HRH1: variants seen among roughly 807,000 people sequenced by gnomAD.
HRH1 encodes the protein histamine receptor H1, also known as histamine H1 receptor.
Under a neutral mutation model 10.3 loss-of-function variants are expected in HRH1, and 6 were observed. The observed-to-expected ratio is 0.58, with a 90% CI of 0.32 to 1.15. The LOEUF is 1.15. HRH1 is among the 50% of genes most tolerant of loss of function. The pLI is 0.05. For missense variants in HRH1, 514 were observed against 615.3 expected (o/e 0.84, Z 1.74); for synonymous variants, 242 against 236.7 (o/e 1.02, Z -0.21).
intron 1 of HRH1, among the ~76,000 whole-genome samples, chr3:11,242,054 G>A (rs114061349): frequency 0.13 from 19,679 of 152,010 alleles, 1,934 homozygotes; most frequent in South Asian, 0.33. Flanking sequence ...GGACAAATAC[G>A]GGAATAAAAG....
intron 1 of HRH1, among the ~76,000 whole-genome samples, chr3:11,221,988 T>G (rs1316169225): frequency 6.6e-6 from 1 of 152,230 alleles, no homozygotes; most frequent in Non-Finnish European, 1.5e-5. Flanking sequence ...TGTTTCCCCA[T>G]TCATCTGCTG....
At chr3:11,172,745 C>T (rs956520482) in intron 1 of HRH1, among the ~76,000 whole-genome samples, 4 of 148,062 alleles carry the variant, frequency 2.7e-5, no homozygotes, top group African/African-American at 1.0e-4. Context: ...CTCTGTCCCC[C>T]AGGCTGAAGT....
chr3:11,193,653 A>G (rs1207151606), intron 1 of HRH1, among the ~76,000 whole-genome samples: 1 of 152,092 alleles, frequency 6.6e-6, no homozygotes, highest in African/African-American at 2.4e-5. Flanking sequence ...ACAGAAATTT[A>G]TTTCTCACAG....
intron 1 of HRH1, among the ~76,000 whole-genome samples, chr3:11,170,457 A>G (rs1190502596): frequency 1.3e-5 from 2 of 152,360 alleles, no homozygotes; most frequent in African/African-American, 2.4e-5. Flanking sequence ...CAGTGGGAAG[A>G]TAAATGGGGA....
At chr3:11,178,966 A>G (rs1198360523) in intron 1 of HRH1, among the ~76,000 whole-genome samples, 1 of 152,228 alleles carries the variant, frequency 6.6e-6, no homozygotes, top group African/African-American at 2.4e-5. Flanking sequence ...GTAGGTCCAC[A>G]GTTCCTTTAA....
At chr3:11,201,356 C>T (rs2125027617) in intron 1 of HRH1, among the ~76,000 whole-genome samples, 1 of 152,270 alleles carries the variant, frequency 6.6e-6, no homozygotes, top group Non-Finnish European at 1.5e-5. Flanking sequence ...AAGGGGACAG[C>T]ATGTGCACAA....
At chr3:11,252,980 G>A (rs1939690770) in intron 1 of HRH1, among the ~76,000 whole-genome samples, 1 of 152,008 alleles carries the variant, frequency 6.6e-6, no homozygotes, top group Non-Finnish European at 1.5e-5. Flanking sequence ...TTGATTTGGA[G>A]GCCTAAGCCT....
At chr3:11,244,255 A>G (rs1348807865) in intron 1 of HRH1, among the ~76,000 whole-genome samples, 1 of 152,266 alleles carries the variant, frequency 6.6e-6, no homozygotes, top group African/African-American at 2.4e-5. Context: ...CTTTATTTTA[A>G]GGCTGTTTTC....
At chr3:11,164,830 G>A (rs751767514) in intron 1 of HRH1, among the ~76,000 whole-genome samples, 27 of 152,260 alleles carry the variant, frequency 1.8e-4, no homozygotes, top group Non-Finnish European at 2.6e-4. Context: ...GCAGTGACCC[G>A]CCAAAGAAAA....
At chr3:11,244,680 C>G (rs1004668877) in intron 1 of HRH1, among the ~76,000 whole-genome samples, 1 of 152,208 alleles carries the variant, frequency 6.6e-6, no homozygotes, top group Non-Finnish European at 1.5e-5. Context: ...GGAATCAGAT[C>G]CAGGTTGCCT....
At chr3:11,197,680 C>T (rs9822871) in intron 1 of HRH1, among the ~76,000 whole-genome samples, 35,598 of 152,126 alleles carry the variant, frequency 0.23, 4,637 homozygotes, top group Non-Finnish European at 0.3. Flanking sequence ...CTGGTCATCG[C>T]TGTAAACATG....
chr3:11,185,665 CT>C (rs1937440159), intron 1 of HRH1, among the ~76,000 whole-genome samples: 1 of 152,184 alleles, frequency 6.6e-6, no homozygotes, highest in Non-Finnish European at 1.5e-5. Context: ...GTGTCTGAGT[CT>C]TCATTTGCCT....
chr3:11,153,482 A>AC (rs915216749), upstream of HRH1, among the ~76,000 whole-genome samples: 29 of 151,434 alleles, frequency 1.9e-4, no homozygotes, highest in Non-Finnish European at 3.8e-4. Context: ...AGGCTAAAAT[A>AC]CCCCTCTGAC....
At chr3:11,241,817 C>T (rs1217471007) in intron 1 of HRH1, among the ~76,000 whole-genome samples, 1 of 147,030 alleles carries the variant, frequency 6.8e-6, no homozygotes, top group East Asian at 2.0e-4. Flanking sequence ...GCCTGGGGGA[C>T]AGAGCGAGAC....
At chr3:11,199,285 G>A (rs957033841) in intron 1 of HRH1, among the ~76,000 whole-genome samples, 1 of 152,070 alleles carries the variant, frequency 6.6e-6, no homozygotes, top group Non-Finnish European at 1.5e-5. Context: ...TCCATTAGTG[G>A]TGACCCCAGG....
intron 1 of HRH1, among the ~76,000 whole-genome samples, chr3:11,210,017 G>C (rs1371942577): frequency 6.6e-6 from 1 of 152,190 alleles, no homozygotes; most frequent in Non-Finnish European, 1.5e-5. Context: ...GAAGACCTTG[G>C]CATTAAATGA....
At chr3:11,207,663 G>A (rs1938186363) in intron 1 of HRH1, among the ~76,000 whole-genome samples, 1 of 152,180 alleles carries the variant, frequency 6.6e-6, no homozygotes, top group African/African-American at 2.4e-5. Flanking sequence ...ACCTCTGTGA[G>A]CCTTAGTTTC....
At chr3:11,169,885 C>G (rs562470131) in intron 1 of HRH1, among the ~76,000 whole-genome samples, 58 of 152,238 alleles carry the variant, frequency 3.8e-4, no homozygotes, top group African/African-American at 1.3e-3. Context: ...CCCTTTTTGA[C>G]ACCTCATCCT....
intron 1 of HRH1, among the ~76,000 whole-genome samples, chr3:11,140,628 A>G (rs545687297): frequency 1.3e-4 from 20 of 152,174 alleles, no homozygotes; most frequent in African/African-American, 3.6e-4. Flanking sequence ...AACCTCCCTC[A>G]GAGGAGCCCT....
Sources: gnomAD v4.1 joint callset for allele counts (sites outside exome capture counted in the v4.1 genomes callset) on GRCh38, gnomAD v4.1.1 for gene constraint, MANE v1.5 for transcripts, NCBI Gene and HGNC (gene_info 2026-07-23, HGNC 2026-07-21) for gene names.